Variants in DOCK9 observed in about 807,000 individuals in gnomAD.
DOCK9 encodes the protein dedicator of cytokinesis protein 9.
In DOCK9, 89 loss-of-function variants were observed where a neutral mutation model predicts 263.3. The ratio of observed to expected loss-of-function variants is 0.34; its 90% CI spans 0.28 to 0.40. DOCK9 has a LOEUF of 0.40. DOCK9 is among the 10% of genes least tolerant of loss of function. The pLI, the probability that DOCK9 is intolerant of heterozygous loss-of-function variation, is 1.00. For synonymous variants in DOCK9, 976 were observed against 973.1 expected (o/e 1.00, Z -0.06); for missense variants, 2,140 against 2,603.4 (o/e 0.82, Z 3.87).
At chr13:98,966,873 T>C (rs964903884) in intron 1 of DOCK9, among the ~76,000 whole-genome samples, 3 of 152,194 alleles carry the variant, frequency 2.0e-5, no homozygotes, top group South Asian at 4.1e-4. Flanking sequence ...ATTACATCAG[T>C]ACAATGGTTC....
At chr13:98,858,389 C>A (rs1371750781) in intron 33 of DOCK9, 1 of 152,118 alleles carries the variant, frequency 6.6e-6, no homozygotes, top group Non-Finnish European at 1.5e-5. Flanking sequence ...GCACCATGAT[C>A]CAAAGACATT....
At chr13:98,812,188 A>AT (rs1252406635) in intron 45 of DOCK9, among the ~76,000 whole-genome samples, 7 of 47,044 alleles carry the variant, frequency 1.5e-4, no homozygotes, top group East Asian at 1.5e-3. Context: ...TTTTTAAGGG[A>AT]TTTTTTTTCA....
At chr13:99,008,285 T>C (rs974628814) in intron 1 of DOCK9, among the ~76,000 whole-genome samples, 3 of 147,084 alleles carry the variant, frequency 2.0e-5, no homozygotes, top group African/African-American at 7.6e-5. Flanking sequence ...CAGGCTGAAG[T>C]GCAATGGTGT....
At chr13:98,965,049 T>C (rs935954724) in intron 1 of DOCK9, among the ~76,000 whole-genome samples, 1 of 152,166 alleles carries the variant, frequency 6.6e-6, no homozygotes, top group African/African-American at 2.4e-5. Context: ...TACCAATGAT[T>C]AGCTCACCTG....
intron 1 of DOCK9, among the ~76,000 whole-genome samples, chr13:99,066,747 A>C (rs2041438436): frequency 2.0e-5 from 3 of 152,120 alleles, no homozygotes; most frequent in Admixed American, 2.0e-4. Flanking sequence ...TAATTTTAGG[A>C]GTCCTTAGGT....
intron 1 of DOCK9, among the ~76,000 whole-genome samples, chr13:98,999,022 G>A (rs1203206071): frequency 6.6e-6 from 1 of 152,038 alleles, no homozygotes; most frequent in Non-Finnish European, 1.5e-5. Flanking sequence ...CAGATAACAG[G>A]GTGACAGGAA....
At chr13:99,082,259 T>C (rs1317455884) in intron 1 of DOCK9, among the ~76,000 whole-genome samples, 2 of 150,966 alleles carry the variant, frequency 1.3e-5, no homozygotes, top group Non-Finnish European at 1.5e-5. Flanking sequence ...GGCTCACCCC[T>C]GTAATCCTAG....
intron 15 of DOCK9, among the ~76,000 whole-genome samples, chr13:98,896,197 T>C (rs1326985813): frequency 6.6e-6 from 1 of 152,236 alleles, no homozygotes; most frequent in Non-Finnish European, 1.5e-5. Flanking sequence ...AACTGTATAA[T>C]CACATAACTG....
chr13:99,086,511 G>T (rs1341532376), exon 1 of DOCK9: 1 of 314,240 alleles, frequency 3.2e-6, no homozygotes, highest in Non-Finnish European at 4.6e-6. Flanking sequence ...GGCCGCCGCA[G>T]CCCAGGCCGC....
chr13:98,984,296 A>T (rs757230284), intron 1 of DOCK9, among the ~76,000 whole-genome samples: 27 of 152,216 alleles, frequency 1.8e-4, no homozygotes, highest in Non-Finnish European at 3.4e-4. Flanking sequence ...GAGGTAAACA[A>T]ACAACCAGTG....
chr13:98,883,130 T>C lies in DOCK9; in HGVS notation c.2471A>G (p.Asp824Gly). 6.2e-7 allele frequency: 1 copy of C among 1,612,446 alleles called. No individual in the cohort carries two copies. Among genetic ancestry groups the C allele is most frequent in the Non-Finnish European group, 8.5e-7 (1 of 1,179,052 alleles). Residue 824 changes from aspartate (D) to glycine (G), a missense_variant and splice_region_variant, in exon 23 of 53, where the codon GAT becomes GGT. Asp to Gly is a moderately conservative substitution (Grantham distance 94). Around this residue, in one of 2 missense-constraint regions of DOCK9, gnomAD observed 1,521 missense variants for 1,741.7 expected, o/e 0.87. Coordinates refer to ENST00000682017, the MANE Select transcript of DOCK9 (RefSeq NM_001366683.2). Reference sequence around the variant, plus strand: ...CTGGAAAAAATTATGTAAATGCTGATCCTGAGGTAGGGAAAAAGGAAAAGA... The same window carrying C: ...CTGGAAAAAATTATGTAAATGCTGACCCTGAGGTAGGGAAAAAGGAAAAGA... ...THLVSTVYTQ[D>G]QHLHNFFQYC...
chr13:99,013,535 T>C (rs140494930), intron 1 of DOCK9, among the ~76,000 whole-genome samples: 4,209 of 152,260 alleles, frequency 0.028, 96 homozygotes, highest in South Asian at 0.063. Context: ...GAAGAAACTA[T>C]ACAGGATCTG....
intron 15 of DOCK9, among the ~76,000 whole-genome samples, chr13:98,892,890 T>C (rs928318458): frequency 6.6e-6 from 1 of 152,170 alleles, no homozygotes; most frequent in Non-Finnish European, 1.5e-5. Flanking sequence ...GGGGCTGTTA[T>C]TATCCACCCT....
intron 1 of DOCK9, among the ~76,000 whole-genome samples, chr13:98,963,499 G>A (rs147504791): frequency 1.6e-4 from 25 of 152,296 alleles, no homozygotes; most frequent in Middle Eastern, 3.4e-3. Flanking sequence ...CTCTTGCCTC[G>A]GATGTGATAG....
intron 30 of DOCK9, 43 bp downstream of exon 30, chr13:98,867,382 G>A (rs780071024): frequency 9.5e-7 from 1 of 1,047,910 alleles, no homozygotes; most frequent in Non-Finnish European, 1.4e-6. Flanking sequence ...GAAAATAAAT[G>A]TCTCTGTTTG....
At chr13:99,080,483 C>T (rs2042083073) in intron 1 of DOCK9, among the ~76,000 whole-genome samples, 1 of 152,148 alleles carries the variant, frequency 6.6e-6, no homozygotes, top group African/African-American at 2.4e-5. Flanking sequence ...TGTTCTCAGC[C>T]AATCAATGAA....
At chr13:98,995,458 T>A (rs947785925) in intron 1 of DOCK9, among the ~76,000 whole-genome samples, 81 of 151,252 alleles carry the variant, frequency 5.4e-4, no homozygotes, top group African/African-American at 1.9e-3. Flanking sequence ...TAGTCTCAGG[T>A]TAAATAAGCC....
At chr13:98,897,408 A>G (rs2047605064) in intron 15 of DOCK9, 80 bp downstream of exon 15, 1 of 1,560,426 alleles carries the variant, frequency 6.4e-7, no homozygotes, top group African/African-American at 1.4e-5. Flanking sequence ...CGAGCAACCT[A>G]AGTGACTGCT....
chr13:98,942,230 T>G (rs145258158), intron 2 of DOCK9, among the ~76,000 whole-genome samples: 4 of 91,126 alleles, frequency 4.4e-5, no homozygotes, highest in South Asian at 6.4e-4. Context: ...GTTTTTTTTT[T>G]TGTTGTTTTT....
Sources: gnomAD v4.1 joint callset for allele counts (sites outside exome capture counted in the v4.1 genomes callset) on GRCh38, gnomAD v4.1.1 for gene constraint, gnomAD v4.1.1 regional missense constraint, MANE v1.5 for transcripts, NCBI Gene and HGNC (gene_info 2026-07-23, HGNC 2026-07-21) for gene names.